NPAS3: variants seen among roughly 807,000 people sequenced by gnomAD.
NPAS3 encodes the protein neuronal PAS domain protein 3, also known as neuronal PAS domain-containing protein 3.
NPAS3 carries 14 observed loss-of-function variants against 73.1 expected under a neutral mutation model. The observed-to-expected ratio is 0.19, with a 90% confidence interval of 0.13 to 0.30. NPAS3 has a LOEUF of 0.30. NPAS3 is among the 10% of genes least tolerant of loss of function. NPAS3 has a pLI of 1.00. For synonymous variants in NPAS3, 620 were observed against 541.5 expected, an observed-to-expected ratio of 1.14 and a Z score of -2.01; for missense variants, 1,096 against 1,250.0, an observed-to-expected ratio of 0.88 and a Z score of 1.86.
intron 4 of NPAS3, among the ~76,000 whole-genome samples, chr14:33,433,515 C>T (rs148546141): frequency 4.3e-4 from 65 of 152,266 alleles, no homozygotes; most frequent in African/African-American, 1.3e-3. Flanking sequence ...GTGGCTAGCA[C>T]GTGACCAGGT....
At chr14:33,738,685 T>C (rs2061583445) in intron 7 of NPAS3, among the ~76,000 whole-genome samples, 1 of 152,220 alleles carries the variant, frequency 6.6e-6, no homozygotes, top group Non-Finnish European at 1.5e-5. Context: ...TGACATTCAG[T>C]TGTTTCTGTC....
intron 2 of NPAS3, among the ~76,000 whole-genome samples, chr14:33,075,316 G>A (rs754095497): frequency 1.1e-4 from 17 of 152,070 alleles, no homozygotes; most frequent in Non-Finnish European, 2.2e-4. Flanking sequence ...AAATGTAAGC[G>A]GATTCTATTA....
rs866201505 is a variant in NPAS3 at position 32,999,370 on chromosome 14, G to A, written c.51-56535G>A. Among the ~76,000 whole-genome samples, 8 of 152,146 alleles carry A rather than the reference G, an allele frequency of 5.3e-5. No homozygotes were observed. In the Middle Eastern group the frequency reaches 0.014, roughly 259 times the overall value. ...ACTAAAAATACAAAAAATTGGCTAG[G>A]CGTGGTGGCAGGTGCCTGTAGTCCC... is the stretch of plus-strand genomic sequence containing the variant. On this transcript the variant is annotated intron_variant, in intron 1 of 11. Transcript: ENST00000356141.
intron 3 of NPAS3, among the ~76,000 whole-genome samples, chr14:33,363,569 G>A (rs563726728): frequency 6.6e-6 from 1 of 152,190 alleles, no homozygotes; most frequent in African/African-American, 2.4e-5. Flanking sequence ...TAAAACTCTA[G>A]GTGTTTTATT....
intron 3 of NPAS3, among the ~76,000 whole-genome samples, chr14:33,248,906 T>G (rs2048481192): frequency 6.6e-6 from 1 of 152,190 alleles, no homozygotes; most frequent in South Asian, 2.1e-4. Context: ...GCAAATTGTG[T>G]TGCTTTTTCA....
intron 8 of NPAS3, 114 bp downstream of exon 8, chr14:33,774,644 C>G: frequency 2.4e-6 from 2 of 847,072 alleles, no homozygotes; most frequent in Non-Finnish European, 3.7e-6. Context: ...AAATCCTGAT[C>G]TTGTTTTTAA....
intron 9 of NPAS3, among the ~76,000 whole-genome samples, chr14:33,784,745 A>ATTTATTTTATTTTTTTT (rs1471526546): frequency 1.4e-5 from 1 of 73,840 alleles, no homozygotes; most frequent in African/African-American, 6.3e-5. Flanking sequence ...TTATTTATTT[A>ATTTATTTTATTTTTTTT]TTTTTTTTTT....
intron 3 of NPAS3, among the ~76,000 whole-genome samples, chr14:33,282,963 A>T (rs1422979391): frequency 6.6e-6 from 1 of 152,210 alleles, no homozygotes; most frequent in African/African-American, 2.4e-5. Flanking sequence ...ATTATTGCTC[A>T]TTCCATTCTT....
At chr14:33,366,554 A>G (rs2045855362) in intron 3 of NPAS3, among the ~76,000 whole-genome samples, 1 of 152,190 alleles carries the variant, frequency 6.6e-6, no homozygotes, top group South Asian at 2.1e-4. Flanking sequence ...ATGCTGGCCA[A>G]GGATCTACCT....
chr14:33,360,229 G>T (rs2045533521), intron 3 of NPAS3, among the ~76,000 whole-genome samples: 1 of 152,104 alleles, frequency 6.6e-6, no homozygotes, highest in South Asian at 2.1e-4. Context: ...TTCTTGATCT[G>T]TTCATGTTAG....
chr14:33,624,568 A>T (rs899015585), intron 5 of NPAS3, among the ~76,000 whole-genome samples: 12 of 147,480 alleles, frequency 8.1e-5, no homozygotes, highest in Non-Finnish European at 1.2e-4. Flanking sequence ...AGAACTATGT[A>T]GTTTTTTTTT....
At chr14:33,126,193 G>GCTTTT (rs2043420355) in intron 2 of NPAS3, among the ~76,000 whole-genome samples, 1 of 152,102 alleles carries the variant, frequency 6.6e-6, no homozygotes, top group African/African-American at 2.4e-5. Context: ...TTTCCTAATA[G>GCTTTT]CTTTTCTTTT....
intron 4 of NPAS3, among the ~76,000 whole-genome samples, chr14:33,427,237 A>G (rs2048591984): frequency 6.6e-6 from 1 of 152,016 alleles, no homozygotes; most frequent in African/African-American, 2.4e-5. Context: ...TTCTCTGCTT[A>G]TATGCATGCA....
At chr14:32,988,910 C>T (rs532177183) in intron 1 of NPAS3, among the ~76,000 whole-genome samples, 1 of 152,340 alleles carries the variant, frequency 6.6e-6, no homozygotes, top group South Asian at 2.1e-4. Flanking sequence ...TCTAGTCACT[C>T]AGTGCGTATT....
At chr14:33,125,751 G>A (rs1249768410) in intron 2 of NPAS3, among the ~76,000 whole-genome samples, 1 of 152,136 alleles carries the variant, frequency 6.6e-6, no homozygotes, top group African/African-American at 2.4e-5. Context: ...ACAACTAGAA[G>A]TAGGAGTTAG....
At chr14:33,044,660 T>G (rs1414054290) in intron 1 of NPAS3, among the ~76,000 whole-genome samples, 4 of 151,886 alleles carry the variant, frequency 2.6e-5, no homozygotes, top group East Asian at 1.9e-4. Context: ...GTTTGTTTTT[T>G]TTTTTTTTGG....
At chr14:33,457,865 C>A (rs1398306999) in intron 4 of NPAS3, among the ~76,000 whole-genome samples, 1 of 152,150 alleles carries the variant, frequency 6.6e-6, no homozygotes, top group Non-Finnish European at 1.5e-5. Context: ...TGGCCAACCC[C>A]CTGGACACCC....
At chr14:33,175,978 A>T (rs942306675) in intron 2 of NPAS3, among the ~76,000 whole-genome samples, 1 of 152,212 alleles carries the variant, frequency 6.6e-6, no homozygotes, top group African/African-American at 2.4e-5. Flanking sequence ...AATGCTTGCT[A>T]TCATTTGTAT....
intron 5 of NPAS3, among the ~76,000 whole-genome samples, chr14:33,641,089 A>G (rs1046993591): frequency 2.0e-5 from 3 of 152,184 alleles, no homozygotes; most frequent in Admixed American, 6.5e-5. Context: ...TATTTCTCTA[A>G]TGAAAAGGAA....
Sources: allele counts gnomAD v4.1 joint callset (sites outside exome capture counted in the v4.1 genomes callset), GRCh38; gene constraint gnomAD v4.1.1; transcripts MANE v1.5; gene names NCBI Gene and HGNC (gene_info 2026-07-23, HGNC 2026-07-21).